PAN3: variants seen among roughly 807,000 people sequenced by gnomAD.
PAN3 encodes the protein PAN2-PAN3 deadenylation complex subunit PAN3.
A neutral mutation model predicts 96.2 loss-of-function variants in PAN3; 19 were observed. The ratio of observed to expected loss-of-function variants is 0.20; its 90% CI spans 0.14 to 0.29. The LOEUF is 0.29. Among genes scored for constraint, PAN3 ranks in the 10% least tolerant of loss-of-function variants. The pLI, the probability that PAN3 is intolerant of heterozygous loss-of-function variation, is 1.00. For missense variants in PAN3, 882 were observed against 1,108.1 expected (o/e 0.80, Z 2.90); for synonymous variants, 433 against 406.6 (o/e 1.06, Z -0.78).
chr13:28,255,206 CAA>C (rs2138581123), intron 6 of PAN3, among the ~76,000 whole-genome samples: 1 of 152,098 alleles, frequency 6.6e-6, no homozygotes, highest in East Asian at 1.9e-4. Flanking sequence ...AGGCATTCAC[CAA>C]ATAGCCAGAA....
intron 1 of PAN3, among the ~76,000 whole-genome samples, chr13:28,150,112 C>T (rs748118487): frequency 6.6e-5 from 10 of 151,972 alleles, no homozygotes; most frequent in Admixed American, 2.0e-4. Flanking sequence ...GATGAGATCA[C>T]GGTGAAGAAG....
chr13:28,232,982 CT>C (rs1882733096), intron 6 of PAN3, among the ~76,000 whole-genome samples: 1 of 152,064 alleles, frequency 6.6e-6, no homozygotes. Context: ...TATAAAACAT[CT>C]GAATTTACAG....
chr13:28,271,324 G>T (rs538583803), intron 13 of PAN3, among the ~76,000 whole-genome samples: 1 of 152,246 alleles, frequency 6.6e-6, no homozygotes, highest in East Asian at 1.9e-4. Flanking sequence ...CACATGCTTT[G>T]AGAACAACTG....
intron 1 of PAN3, among the ~76,000 whole-genome samples, chr13:28,141,462 C>CTTTT (rs759736683): frequency 1.1e-3 from 99 of 90,300 alleles, no homozygotes; most frequent in Non-Finnish European, 1.4e-3. Context: ...TTCTTTTTTT[C>CTTTT]TTTTTTTTTT....
Position 28,208,546 on chromosome 13 carries a change from A to G in PAN3, c.852+11200A>G, listed in dbSNP as rs115309035. 6.8e-3 allele frequency among the ~76,000 whole-genome samples: 1,038 copies of G among 151,912 alleles called. 11 individuals are homozygous for G. Among genetic ancestry groups the G allele is most frequent in the African/African-American group, 0.024 (1,003 of 41,444 alleles). On this transcript the variant is annotated intron_variant, in intron 5 of 18. Coordinates refer to ENST00000380958, the MANE Select transcript of PAN3 (RefSeq NM_175854.8). ...GTTTCAGATTTTTTTTTTGGGGGGT[A>G]TGTTTGAATCCATTTAGTGGTTGAG...
chr13:28,179,006 T>C lies in PAN3; in HGVS notation c.690+1071T>C, dbSNP rs185283251. Among the ~76,000 whole-genome samples the C allele has an allele frequency of 1.8e-3, 277 of 152,248 alleles. 3 individuals carry two copies. Among genetic ancestry groups the C allele is most frequent in the South Asian group, 0.016 (76 of 4,830 alleles). On this transcript the variant is annotated intron_variant, in intron 4 of 18. Transcript: ENST00000380958. Reference sequence around the variant, plus strand: ...GAAAAAAAAGTTATGAAGACTGATATAAATTATGTTAAAACCTCATGTACC... The same window carrying C: ...GAAAAAAAAGTTATGAAGACTGATACAAATTATGTTAAAACCTCATGTACC...
rs115667799 is a variant in PAN3 at position 28,181,460 on chromosome 13, C to G, written c.690+3525C>G. ...CCAGGAGGTGGAGGCTGCAGTGAGC[C>G]GTGATCACTCTAATGCACTGTGTGA... On this transcript the variant is annotated intron_variant, in intron 4 of 18. Transcript: ENST00000380958. Among the ~76,000 whole-genome samples the G allele has an allele frequency of 9.0e-3, 1,258 of 140,180 alleles. 25 individuals carry two copies. Among genetic ancestry groups the G allele is most frequent in the African/African-American group, 0.032 (1,191 of 37,352 alleles). The allele number at this position is 140,180 out of a possible 152,430, so 92.0% of individuals were successfully genotyped here.
intron 1 of PAN3, among the ~76,000 whole-genome samples, chr13:28,146,239 A>G (rs1055967645): frequency 1.3e-5 from 2 of 151,870 alleles, no homozygotes; most frequent in African/African-American, 2.4e-5. Context: ...TATCTAGTAT[A>G]TATATTAAAA....
chr13:28,229,388 A>C (rs568104304), intron 6 of PAN3, among the ~76,000 whole-genome samples: 1 of 152,082 alleles, frequency 6.6e-6, no homozygotes, highest in Non-Finnish European at 1.5e-5. Context: ...ATTTTCCAAA[A>C]TTTTTCCATA....
intron 18 of PAN3, among the ~76,000 whole-genome samples, chr13:28,289,645 G>A (rs928039545): frequency 1.3e-5 from 2 of 152,208 alleles, no homozygotes; most frequent in Non-Finnish European, 2.9e-5. Flanking sequence ...ACTTTGGGAG[G>A]CCACGGCGGG....
chr13:28,139,137 G>A, intron 1 of PAN3, 50 bp downstream of exon 1: 3 of 1,261,060 alleles, frequency 2.4e-6, no homozygotes, highest in Non-Finnish European at 3.0e-6. Context: ...GGCAGGCCTG[G>A]GCCGGATGAG....
intron 1 of PAN3, among the ~76,000 whole-genome samples, chr13:28,171,646 G>C (rs1210612920): frequency 6.6e-6 from 1 of 152,184 alleles, no homozygotes; most frequent in East Asian, 1.9e-4. Context: ...TGAAAAGGTA[G>C]AACAAGGATC....
intron 6 of PAN3, among the ~76,000 whole-genome samples, chr13:28,254,225 CTTGA>C (rs1331300542): frequency 6.6e-6 from 1 of 152,142 alleles, no homozygotes; most frequent in Non-Finnish European, 1.5e-5. Context: ...GAGTTTGAGT[CTTGA>C]TTATGTTGCT....
chr13:28,165,028 C>G (rs1053413525), intron 1 of PAN3, among the ~76,000 whole-genome samples: 3 of 152,200 alleles, frequency 2.0e-5, no homozygotes, highest in African/African-American at 7.2e-5. Flanking sequence ...CTGCCTCAGC[C>G]TCCCGAGTAG....
At chr13:28,227,621 A>T (rs1174716024) in intron 6 of PAN3, among the ~76,000 whole-genome samples, 1 of 152,212 alleles carries the variant, frequency 6.6e-6, no homozygotes, top group Non-Finnish European at 1.5e-5. Flanking sequence ...GTAATAGTAG[A>T]TGATTTTAAG....
chr13:28,238,439 C>T (rs1271917734), intron 6 of PAN3, among the ~76,000 whole-genome samples: 1 of 152,102 alleles, frequency 6.6e-6, no homozygotes, highest in Non-Finnish European at 1.5e-5. Context: ...ATGTCAGATG[C>T]CTATATTCAA....
chr13:28,186,518 T>C (rs1257685276), intron 4 of PAN3, among the ~76,000 whole-genome samples: 1 of 152,050 alleles, frequency 6.6e-6, no homozygotes, highest in Non-Finnish European at 1.5e-5. Context: ...GTTATTGTTA[T>C]AGTCTCCTAT....
chr13:28,152,176 G>T (rs2137974359), intron 1 of PAN3, among the ~76,000 whole-genome samples: 1 of 152,192 alleles, frequency 6.6e-6, no homozygotes, highest in South Asian at 2.1e-4. Context: ...TATTTCATGA[G>T]ATAGATACTG....
chr13:28,230,054 CT>C (rs199942600), intron 6 of PAN3, among the ~76,000 whole-genome samples: 1,557 of 146,126 alleles, frequency 0.011, 21 homozygotes, highest in African/African-American at 0.035. Flanking sequence ...TTTAGTACCT[CT>C]TTTTTTTTTT....
Sources: gnomAD v4.1 joint callset for allele counts (sites outside exome capture counted in the v4.1 genomes callset) on GRCh38, gnomAD v4.1.1 for gene constraint, MANE v1.5 for transcripts, NCBI Gene and HGNC (gene_info 2026-07-23, HGNC 2026-07-21) for gene names.